Variants in PCDHAC1 observed in about 807,000 individuals in gnomAD.
The protein encoded by PCDHAC1 is protocadherin alpha subfamily C, 1.
PCDHAC1 carries 42 observed loss-of-function variants against 60.0 expected under a neutral mutation model. The ratio of observed to expected loss-of-function variants is 0.70; its 90% CI spans 0.55 to 0.90. PCDHAC1 has a LOEUF of 0.90. Among genes scored for constraint, PCDHAC1 ranks in the 40% least tolerant of loss-of-function variants. The pLI, the probability that PCDHAC1 is intolerant of heterozygous loss-of-function variation, is 0.00. For missense variants in PCDHAC1, 1,160 were observed against 1,222.3 expected, an observed-to-expected ratio of 0.95 and a Z score of 0.76; for synonymous variants, 468 against 499.3, an observed-to-expected ratio of 0.94 and a Z score of 0.84.
intron 2 of PCDHAC1, among the ~76,000 whole-genome samples, chr5:140,979,246 C>A (rs944063929): frequency 2.0e-5 from 3 of 152,206 alleles, no homozygotes; most frequent in African/African-American, 7.2e-5. Context: ...AAACAGGCTG[C>A]TATGTATTTT....
intron 3 of PCDHAC1, among the ~76,000 whole-genome samples, chr5:140,988,180 G>C (rs2097285964): frequency 1.3e-5 from 2 of 152,134 alleles, no homozygotes; most frequent in Admixed American, 1.3e-4. Context: ...TGACAGTCCT[G>C]GGAGGTGTGT....
At position 141,011,612 on chromosome 5, in the gene PCDHAC1, G is replaced by A. The variant is rs1031311936; in HGVS notation, c.*1675G>A. 11 of 153,524 alleles carry A rather than the reference G, an allele frequency of 7.2e-5. No individual in the cohort carries two copies. The highest frequency in any genetic ancestry group is 1.6e-4 in the Non-Finnish European group (11 of 67,990). 9.5% of individuals were successfully genotyped at this position (153,524 alleles called of 1,614,324 possible). A position where few individuals can be genotyped will look rare whatever the true frequency, so the allele number is the denominator to read the frequency against. On this transcript the variant is annotated 3_prime_UTR_variant, in exon 4 of 4. Coordinates refer to ENST00000253807, the MANE Select transcript of PCDHAC1 (RefSeq NM_018898.5). ...TGGTGATTCAAGGAATTTTATTTAT[G>A]GTCCAGCCAAGAGCCATCTCGTGCC...
intron 1 of PCDHAC1, among the ~76,000 whole-genome samples, chr5:140,963,621 T>C (rs1428734637): frequency 2.6e-5 from 4 of 152,334 alleles, no homozygotes; most frequent in African/African-American, 9.6e-5. Flanking sequence ...AGCTTAACTT[T>C]GTTGCATACG....
At chr5:141,005,562 C>T (rs928721111) in intron 3 of PCDHAC1, among the ~76,000 whole-genome samples, 2 of 151,226 alleles carry the variant, frequency 1.3e-5, no homozygotes, top group Admixed American at 6.6e-5. Flanking sequence ...ATTAGCCGGG[C>T]ATGGTGGCGC....
chr5:140,991,635 T>C (rs1215420696), intron 3 of PCDHAC1, among the ~76,000 whole-genome samples: 1 of 152,220 alleles, frequency 6.6e-6, no homozygotes, highest in East Asian at 1.9e-4. Flanking sequence ...GTAATAACAA[T>C]CTGTTCATGA....
chr5:140,969,286 T>C (rs2096315830), intron 1 of PCDHAC1: 3 of 1,614,076 alleles, frequency 1.9e-6, no homozygotes, highest in Admixed American at 1.7e-5. Flanking sequence ...GTCAGAATGC[T>C]GGGAACCTGA....
rs139974024 is a variant in PCDHAC1 at position 140,967,301 on chromosome 5, G to A, written c.2434-11648G>A. 5.0e-5 allele frequency: 81 copies of A among 1,612,148 alleles called. No homozygotes were observed. In the African/African-American group the frequency reaches 9.1e-4, roughly 18 times the overall value. ...GAGTGCGCAGGACCCCGACGTGGGC[G>A]CCAACTCAGTACAGACCTACGAGCT... On this transcript the variant is annotated intron_variant, in intron 1 of 3. Coordinates refer to ENST00000253807, the MANE Select transcript of PCDHAC1 (RefSeq NM_018898.5).
intron 1 of PCDHAC1, among the ~76,000 whole-genome samples, chr5:140,965,537 A>T (rs528440377): frequency 1.3e-5 from 2 of 152,204 alleles, no homozygotes; most frequent in East Asian, 3.9e-4. Context: ...ATGGAATCCA[A>T]ATTCCAGCCT....
intron 3 of PCDHAC1, among the ~76,000 whole-genome samples, chr5:140,996,441 C>G (rs2097726719): frequency 6.6e-6 from 1 of 152,146 alleles, no homozygotes; most frequent in Non-Finnish European, 1.5e-5. Context: ...TAGTCAGTGT[C>G]AAGTTGTGGT....
At chr5:140,968,310 G>T (rs2096237719) in intron 1 of PCDHAC1, 4 of 1,613,920 alleles carry the variant, frequency 2.5e-6, no homozygotes, top group Non-Finnish European at 3.4e-6. Flanking sequence ...GAGATTCAAG[G>T]GCTGCCAGTC....
rs1026092245 is a variant in PCDHAC1 at position 140,987,228 on chromosome 5, T to A, written c.2581+4665T>A. On this transcript the variant is annotated intron_variant, in intron 3 of 3. Transcript: ENST00000253807. The stretch of plus-strand genomic sequence containing the variant: ...GACTCCATCTCAAAAAAAAAAAAAA[T>A]AATAAATAAAGAAAGAAAGACATTC... Among the ~76,000 whole-genome samples, 392 of 149,148 alleles carry A rather than the reference T, an allele frequency of 2.6e-3. 1 individual carries two copies. Among genetic ancestry groups the A allele is most frequent in the African/African-American group, 8.3e-3 (336 of 40,458 alleles).
At chr5:141,006,622 T>C (rs555577523) in intron 3 of PCDHAC1, among the ~76,000 whole-genome samples, 21 of 152,132 alleles carry the variant, frequency 1.4e-4, no homozygotes, top group Non-Finnish European at 7.3e-5. Flanking sequence ...AAGGAGACTA[T>C]TGCTGCAATT....
At chr5:140,955,381 T>TG (rs782287731) in intron 1 of PCDHAC1, among the ~76,000 whole-genome samples, 4 of 152,136 alleles carry the variant, frequency 2.6e-5, no homozygotes, top group Non-Finnish European at 5.9e-5. Context: ...AATTGAATCA[T>TG]GGGGGCAATT....
intron 3 of PCDHAC1, among the ~76,000 whole-genome samples, chr5:140,998,223 G>A (rs1554256200): frequency 6.6e-6 from 1 of 152,140 alleles, no homozygotes; most frequent in Non-Finnish European, 1.5e-5. Context: ...ACCACACCCA[G>A]AAATTTGTGC....
chr5:140,954,225 A>C (rs1554221300), intron 1 of PCDHAC1, among the ~76,000 whole-genome samples: 2 of 152,242 alleles, frequency 1.3e-5, no homozygotes, highest in African/African-American at 4.8e-5. Context: ...TGCTATTGTG[A>C]ATAGTGCTGC....
chr5:140,993,939 T>C (rs1449633283), intron 3 of PCDHAC1, among the ~76,000 whole-genome samples: 5 of 152,198 alleles, frequency 3.3e-5, no homozygotes, highest in Non-Finnish European at 7.3e-5. Context: ...ATATCCCCAT[T>C]GTTAAGTGAT....
At chr5:140,943,386 A>G (rs1245126281) in intron 1 of PCDHAC1, among the ~76,000 whole-genome samples, 2 of 152,154 alleles carry the variant, frequency 1.3e-5, no homozygotes, top group African/African-American at 4.8e-5. Flanking sequence ...CAGGTAAGAA[A>G]TTATGGATAT....
At chr5:140,931,235 C>T (rs1563126725) in intron 1 of PCDHAC1, among the ~76,000 whole-genome samples, 1 of 152,116 alleles carries the variant, frequency 6.6e-6, no homozygotes, top group Non-Finnish European at 1.5e-5. Flanking sequence ...AATATGTGAA[C>T]ACTTTTCCTA....
chr5:140,990,834 A>G (rs1554251782), intron 3 of PCDHAC1, among the ~76,000 whole-genome samples: 1 of 152,234 alleles, frequency 6.6e-6, no homozygotes, highest in East Asian at 1.9e-4. Flanking sequence ...AAAGCCTATT[A>G]GCAAAAATAG....
Sources: allele counts gnomAD v4.1 joint callset (sites outside exome capture counted in the v4.1 genomes callset), GRCh38; gene constraint gnomAD v4.1.1; transcripts MANE v1.5; gene names NCBI Gene and HGNC (gene_info 2026-07-23, HGNC 2026-07-21).